SLC16A14: variants seen among roughly 807,000 people sequenced by gnomAD.
The protein encoded by SLC16A14 is solute carrier family 16 member 14.
In SLC16A14, 14 loss-of-function variants were observed where a neutral mutation model predicts 35.8. The observed-to-expected ratio is 0.39, with a 90% CI of 0.26 to 0.61. The LOEUF (loss-of-function observed/expected upper bound fraction) is 0.61. Ranked by LOEUF, SLC16A14 falls within the 20% of genes least tolerant of loss-of-function variation. The pLI, the probability that SLC16A14 is intolerant of heterozygous loss-of-function variation, is 0.51. For synonymous variants in SLC16A14, 248 were observed against 258.9 expected (o/e 0.96, Z 0.40); for missense variants, 533 against 655.0 (o/e 0.81, Z 2.03).
intron 2 of SLC16A14, among the ~76,000 whole-genome samples, chr2:230,052,988 C>A (rs1448508358): frequency 6.6e-6 from 1 of 151,860 alleles, no homozygotes; most frequent in East Asian, 1.9e-4. Flanking sequence ...GTTGCCCAGG[C>A]TGGAGTGCAG....
intron 4 of SLC16A14, among the ~76,000 whole-genome samples, chr2:230,041,398 A>C (rs1359832618): frequency 1.3e-5 from 2 of 152,132 alleles, no homozygotes; most frequent in African/African-American, 4.8e-5. Context: ...CCCAGGCTAG[A>C]GTGCAGTGGC....
chr2:230,048,317 C>A (rs4973247), intron 3 of SLC16A14, among the ~76,000 whole-genome samples: 140,197 of 152,320 alleles, frequency 0.92, 64,606 homozygotes, highest in East Asian at 1. Context: ...ATTCCAAGCT[C>A]ACTTTTAACT....
chr2:230,037,191 CA>C lies in SLC16A14; in HGVS notation c.*188del, dbSNP rs1029681046. ...AATGTATGTAGTCCTTAAGATCTTC[CA>C]GCATTACATCTCCCCAAACAGAGAG... On this transcript the variant is annotated 3_prime_UTR_variant, in exon 5 of 5. Coordinates refer to ENST00000295190, the MANE Select transcript of SLC16A14 (RefSeq NM_152527.5). 14 of 451,308 alleles carry C rather than the reference CA, an allele frequency of 3.1e-5. No individual in the cohort carries two copies. Among genetic ancestry groups the C allele is most frequent in the African/African-American group, 2.4e-4 (12 of 49,812 alleles). The allele number at this position is 451,308 out of a possible 1,614,324, so 28.0% of individuals were successfully genotyped here. A position where few individuals can be genotyped will look rare whatever the true frequency, so the allele number is the denominator to read the frequency against.
At position 230,036,924 on chromosome 2, in the gene SLC16A14, GAA is replaced by G. The variant is rs975405221; in HGVS notation, c.*454_*455del. 6.6e-6 allele frequency: 1 copy of G among 152,270 alleles called. No individual in the cohort carries two copies. Among genetic ancestry groups the G allele is most frequent in the African/African-American group, 2.4e-5 (1 of 41,438 alleles). 9.4% of individuals were successfully genotyped at this position (152,270 alleles called of 1,614,324 possible). ...TAGCTCCCTGTAATAATTAATTTCT[GAA>G]ATCTAGTCATATTCTTGTGCTTGAA... On this transcript the variant is annotated 3_prime_UTR_variant, in exon 5 of 5. Coordinates refer to ENST00000295190, the MANE Select transcript of SLC16A14 (RefSeq NM_152527.5).
At chr2:230,064,399 A>G (rs2077776166) in intron 1 of SLC16A14, among the ~76,000 whole-genome samples, 1 of 151,976 alleles carries the variant, frequency 6.6e-6, no homozygotes, top group Admixed American at 6.6e-5. Context: ...GGGATGGGGC[A>G]GCCCTTGCTC....
intron 1 of SLC16A14, among the ~76,000 whole-genome samples, chr2:230,061,191 C>T (rs1012465901): frequency 1.3e-5 from 2 of 152,190 alleles, no homozygotes; most frequent in Non-Finnish European, 2.9e-5. Context: ...GGTCTGCTTT[C>T]TAAATCATCA....
In SLC16A14 at chr2:230,068,720, G is replaced by C. The variant is rs1162133028; in HGVS notation, c.-180C>G. On this transcript the variant is annotated 5_prime_UTR_variant, in exon 1 of 5. Coordinates refer to ENST00000295190, the MANE Select transcript of SLC16A14 (RefSeq NM_152527.5). This position sits in a 1 kb window ranked among gnomAD's most constrained non-coding sequence, Gnocchi z 5.1. ...TGCGGCTCAGCTCTCCGCCCGGCTC[G>C]GTGCGCTCTGTGAGGGGCTCCCGGG... 1.3e-5 allele frequency: 2 copies of C among 152,736 alleles called. No homozygotes were observed. Among genetic ancestry groups the C allele is most frequent in the African/African-American group, 2.4e-5 (1 of 41,440 alleles). 9.5% of individuals were successfully genotyped at this position (152,736 alleles called of 1,614,324 possible). A position where few individuals can be genotyped will look rare whatever the true frequency, so the allele number is the denominator to read the frequency against.
chr2:230,063,282 C>A (rs1347922045), intron 1 of SLC16A14, among the ~76,000 whole-genome samples: 1 of 91,382 alleles, frequency 1.1e-5, no homozygotes, highest in African/African-American at 4.0e-5. Context: ...AAGAGCGAAA[C>A]TCTGTCTCAA....
At position 230,046,239 on chromosome 2, in the gene SLC16A14, C is replaced by T; in HGVS notation, c.887G>A (p.Gly296Asp). 1 of 1,614,210 alleles carries T rather than the reference C, an allele frequency of 6.2e-7. No homozygotes were observed. The highest frequency in any genetic ancestry group is 1.1e-5 in the South Asian group (1 of 91,090). The change falls in exon 4 of 5, where the codon GGC becomes GAC. Residue 296 changes from glycine (G) to aspartate (D), a missense_variant. Transcript: ENST00000295190. The surrounding 1 kb of genome is among the most constrained non-coding windows in gnomAD (Gnocchi z 5.0). ...VSWLTMRVRK[G>D]FEDWYSGYFG... ...GTAGCCCGAATACCAGTCCTCGAAG[C>T]CCTTCCTGACTCTCATGGTGAGCCA...
intron 2 of SLC16A14, among the ~76,000 whole-genome samples, chr2:230,054,589 G>T (rs1301968288): frequency 3.3e-5 from 5 of 152,102 alleles, no homozygotes; most frequent in East Asian, 1.9e-4. Flanking sequence ...AATCATCTTT[G>T]GAGAAAGGCA....
At chr2:230,060,877 G>GTAA (rs1553821540) in intron 1 of SLC16A14, among the ~76,000 whole-genome samples, 1 of 151,716 alleles carries the variant, frequency 6.6e-6, no homozygotes, top group Non-Finnish European at 1.5e-5. Flanking sequence ...AACCTATGAT[G>GTAA]GTAGTGGGAT....
chr2:230,043,057 C>T (rs558009397), intron 4 of SLC16A14, among the ~76,000 whole-genome samples: 90 of 152,302 alleles, frequency 5.9e-4, no homozygotes, highest in African/African-American at 2.1e-3. Context: ...TAATCAAATG[C>T]GTTCTGACCT....
intron 4 of SLC16A14, among the ~76,000 whole-genome samples, chr2:230,044,736 G>GTGTGTGTGTA (rs575463088): frequency 0.052 from 5,574 of 106,816 alleles, 133 homozygotes; most frequent in Non-Finnish European, 0.072. Context: ...GTGTGTGTGT[G>GTGTGTGTGTA]TATGTGTGTG....
chr2:230,046,459 C>T lies in SLC16A14; in HGVS notation c.667G>A (p.Glu223Lys), dbSNP rs1024128174. ...SPGKNPNDPG[E>K]KDVRGLPAHS... Reference sequence around the variant, plus strand: ...GCTGGCAGGCCACGCACATCTTTCTCTCCTGGGTCGTTTGGGTTTTTACCA... The same window carrying T: ...GCTGGCAGGCCACGCACATCTTTCTTTCCTGGGTCGTTTGGGTTTTTACCA... Residue 223 changes from glutamate to lysine, a missense_variant, in exon 4 of 5, where the codon GAG becomes AAG. Physicochemically the swap from Glu to Lys is moderately conservative, Grantham distance 56. Coordinates refer to ENST00000295190, the MANE Select transcript of SLC16A14 (RefSeq NM_152527.5). The surrounding 1 kb of genome is among the most constrained non-coding windows in gnomAD (Gnocchi z 5.0). 3.7e-6 allele frequency: 6 copies of T among 1,614,112 alleles called. No homozygotes were observed. Among genetic ancestry groups the T allele is most frequent in the Non-Finnish European group, 4.2e-6 (5 of 1,180,060 alleles).
chr2:230,042,426 C>T (rs1454215160), intron 4 of SLC16A14, among the ~76,000 whole-genome samples: 1 of 152,188 alleles, frequency 6.6e-6, no homozygotes, highest in African/African-American at 2.4e-5. Context: ...ACTAACATTG[C>T]CCATGAGAAT....
rs577361370 is a variant in SLC16A14, at chr2:230,047,365, G to A, written c.404-643C>T. 2.2e-5 allele frequency among the ~76,000 whole-genome samples: 3 copies of A among 134,176 alleles called. No homozygotes were observed. In the East Asian group the frequency reaches 6.8e-4, roughly 30 times the overall value. The allele number at this position is 134,176 out of a possible 152,430, so 88.0% of individuals were successfully genotyped here. A position where few individuals can be genotyped will look rare whatever the true frequency, so the allele number is the denominator to read the frequency against. On this transcript the variant is annotated intron_variant, in intron 3 of 4. Transcript: ENST00000295190. ...CTCACTCTGTTGCCCAGGCTGGAATGCAATGGTGCGATCACAGCTCATTGC... is the reference window on the plus strand; with the variant it reads ...CTCACTCTGTTGCCCAGGCTGGAATACAATGGTGCGATCACAGCTCATTGC...
Position 230,046,396 on chromosome 2 carries a change from CCTG to C in SLC16A14, c.727_729del (p.Gln243del). 6.2e-7 allele frequency: 1 copy of C among 1,614,206 alleles called. No individual in the cohort carries two copies. Among genetic ancestry groups the C allele is most frequent in the South Asian group, 1.1e-5 (1 of 91,088 alleles). ...CCACCATCCTTCTCTTCTGTTCTTC[CCTG>C]CTGTCCAGTTGACTTCACAGATTCT... is the stretch of plus-strand genomic sequence containing the variant. On this transcript the variant is annotated inframe_deletion, in exon 4 of 5. Coordinates refer to ENST00000295190, the MANE Select transcript of SLC16A14 (RefSeq NM_152527.5). The surrounding 1 kb of genome is among the most constrained non-coding windows in gnomAD (Gnocchi z 5.0).
chr2:230,059,204 G>C lies in SLC16A14; in HGVS notation c.149C>G (p.Ser50Cys), dbSNP rs1320987803. Residue 50 changes from serine (S) to cysteine (C), a missense_variant, in exon 2 of 5, where the codon TCC becomes TGC. Coordinates refer to ENST00000295190, the MANE Select transcript of SLC16A14 (RefSeq NM_152527.5). ...GTTGAGGACACCCAGGGCCATCTGG[G>C]AGCCCATGATGAGGATGTGCACAAA... ...SFFVHILIMGSQMALGVLNVE... is the reference protein window; with the variant it reads ...SFFVHILIMGCQMALGVLNVE... The C allele has an allele frequency of 6.2e-7, 1 of 1,614,150 alleles. No homozygotes were observed. The highest frequency in any genetic ancestry group is 1.1e-5 in the South Asian group (1 of 91,082).
intron 1 of SLC16A14, among the ~76,000 whole-genome samples, chr2:230,067,610 A>G (rs1209376121): frequency 6.7e-6 from 1 of 149,328 alleles, no homozygotes; most frequent in Non-Finnish European, 1.5e-5. Flanking sequence ...CGCACATGCA[A>G]ACAAAGAAGC....
Sources: gnomAD v4.1 joint callset for allele counts (sites outside exome capture counted in the v4.1 genomes callset) on GRCh38, gnomAD v4.1.1 for gene constraint, Gnocchi (gnomAD v3.1) non-coding constraint, MANE v1.5 for transcripts, NCBI Gene and HGNC (gene_info 2026-07-23, HGNC 2026-07-21) for gene names.